Variants in GALNT10 observed in about 807,000 individuals in gnomAD.
GALNT10 encodes polypeptide N-acetylgalactosaminyltransferase 10.
GALNT10 carries 41 observed loss-of-function variants against 75.0 expected under a neutral mutation model. The observed-to-expected ratio is 0.55, with a 90% CI of 0.43 to 0.71. The LOEUF (loss-of-function observed/expected upper bound fraction) is 0.71. GALNT10 is among the 30% of genes least tolerant of loss of function. The pLI is 0.00. For synonymous variants in GALNT10, 302 were observed against 313.0 expected (o/e 0.96, Z 0.37); for missense variants, 727 against 818.5 (o/e 0.89, Z 1.36).
At chr5:154,303,806 CCAAT>C (rs1442782644) in intron 3 of GALNT10, among the ~76,000 whole-genome samples, 1 of 152,096 alleles carries the variant, frequency 6.6e-6, no homozygotes, top group African/African-American at 2.4e-5. Flanking sequence ...AATGTGAAAC[CCAAT>C]CAAAGATTAT....
chr5:154,208,609 T>G (rs1459383694), intron 1 of GALNT10, among the ~76,000 whole-genome samples: 3 of 152,180 alleles, frequency 2.0e-5, no homozygotes, highest in Admixed American at 2.0e-4. Context: ...TAAAAAGTGG[T>G]ACATAGATAC....
intron 1 of GALNT10, among the ~76,000 whole-genome samples, chr5:154,256,261 G>C (rs959437398): frequency 5.3e-5 from 8 of 152,038 alleles, no homozygotes; most frequent in Non-Finnish European, 1.2e-4. Flanking sequence ...ACAGGGCTTG[G>C]CTTGCCAGGG....
intron 1 of GALNT10, among the ~76,000 whole-genome samples, chr5:154,293,594 G>GATATATATATATATATAT (rs754824803): frequency 7.1e-6 from 1 of 140,726 alleles, no homozygotes; most frequent in African/African-American, 2.9e-5. Flanking sequence ...TCTTGGGGCT[G>GATATATATATATATATAT]ATATATATAT....
At chr5:154,292,884 T>C (rs1754215589) in intron 1 of GALNT10, among the ~76,000 whole-genome samples, 1 of 152,102 alleles carries the variant, frequency 6.6e-6, no homozygotes, top group Admixed American at 6.5e-5. Flanking sequence ...CCTGAACTGA[T>C]TAGATGGTTC....
At chr5:154,340,198 T>C (rs1755011983) in intron 4 of GALNT10, among the ~76,000 whole-genome samples, 1 of 152,078 alleles carries the variant, frequency 6.6e-6, no homozygotes, top group Non-Finnish European at 1.5e-5. Context: ...GCTCAGTAAA[T>C]GGGGAGCTGA....
At chr5:154,392,615 A>G (rs11750554) in intron 7 of GALNT10, 9,604 of 152,320 alleles carry the variant, frequency 0.063, 367 homozygotes, top group African/African-American at 0.11. Context: ...CCTCTGACAT[A>G]CACAGATATG....
intron 1 of GALNT10, among the ~76,000 whole-genome samples, chr5:154,229,572 C>CAA (rs371367712): frequency 6.9e-6 from 1 of 144,078 alleles, no homozygotes; most frequent in African/African-American, 2.5e-5. Flanking sequence ...ACTAAAAATA[C>CAA]AAAAAAAAAA....
rs1415763952 is a variant in GALNT10 at position 154,203,261 on chromosome 5, C to T, written c.159+12236C>T. On this transcript the variant is annotated intron_variant, in intron 1 of 11. Transcript: ENST00000297107. ...CTCTGTCTCTCCTTCCACCTCCCCC[C>T]GCAACCCCCATAGTCTCCGTGATGT... Among the ~76,000 whole-genome samples, 5 of 152,124 alleles carry T rather than the reference C, an allele frequency of 3.3e-5. No homozygotes were observed. The East Asian group carries it at 5.8e-4, about 18-fold the overall frequency.
At chr5:154,368,129 G>T (rs138734962) in intron 4 of GALNT10, among the ~76,000 whole-genome samples, 28 of 152,294 alleles carry the variant, frequency 1.8e-4, no homozygotes, top group African/African-American at 6.5e-4. Flanking sequence ...GCTTCAGTAG[G>T]TTTAAGGTGA....
intron 1 of GALNT10, among the ~76,000 whole-genome samples, chr5:154,249,638 G>A (rs1753484392): frequency 6.6e-6 from 1 of 152,030 alleles, no homozygotes; most frequent in Non-Finnish European, 1.5e-5. Flanking sequence ...TACCAACTGT[G>A]GTCAGGGCCA....
intron 6 of GALNT10, among the ~76,000 whole-genome samples, chr5:154,384,150 G>C (rs905106164): frequency 2.6e-5 from 4 of 152,088 alleles, no homozygotes; most frequent in African/African-American, 9.7e-5. Flanking sequence ...CCTCCCACCA[G>C]GTCTCTCCTA....
intron 4 of GALNT10, among the ~76,000 whole-genome samples, chr5:154,338,865 C>G (rs892240055): frequency 6.6e-6 from 1 of 152,178 alleles, no homozygotes; most frequent in East Asian, 1.9e-4. Flanking sequence ...TCTTTGTACC[C>G]CTTATCTTCT....
chr5:154,386,171 C>T (rs1285134119), intron 6 of GALNT10, 142 bp from the exon 7 acceptor site: 2 of 645,754 alleles, frequency 3.1e-6, no homozygotes, highest in Non-Finnish European at 5.4e-6. Flanking sequence ...CTGGAAGGGC[C>T]TTGGATTCCC....
In GALNT10 at chr5:154,416,876, G is replaced by T. The variant is rs1756522082; in HGVS notation, c.1716G>T (p.Arg572Ser). The T allele has an allele frequency of 1.9e-6, 3 of 1,613,070 alleles. No homozygotes were observed. Among genetic ancestry groups the T allele is most frequent in the African/African-American group, 1.3e-5 (1 of 75,028 alleles). ...TGGACTGCAGTGAAAGTGACCATAG[G>T]ATCTTCATGAACACCTGCAACCCAT... is the stretch of plus-strand genomic sequence containing the variant. Reference protein sequence around the residue: ...SCMDCSESDHRIFMNTCNPSS... With the variant: ...SCMDCSESDHSIFMNTCNPSS... Residue 572 changes from arginine (R) to serine (S), a missense_variant, in exon 12 of 12, where the codon AGG becomes AGT. By Grantham distance (110) the Arg-to-Ser change is moderately radical. Coordinates refer to ENST00000297107, the MANE Select transcript of GALNT10 (RefSeq NM_198321.4). The surrounding 1 kb of genome is among the most constrained non-coding windows in gnomAD (Gnocchi z 4.5).
chr5:154,310,748 A>G (rs1295266223), intron 3 of GALNT10, among the ~76,000 whole-genome samples: 1 of 152,212 alleles, frequency 6.6e-6, no homozygotes, highest in Non-Finnish European at 1.5e-5. Context: ...CTGGGATTAC[A>G]GGCGTGAGCC....
intron 3 of GALNT10, among the ~76,000 whole-genome samples, chr5:154,323,011 A>G (rs1005403316): frequency 6.6e-6 from 1 of 152,222 alleles, no homozygotes; most frequent in Non-Finnish European, 1.5e-5. Context: ...CTTACATTCT[A>G]GGGAAGAAGA....
intron 1 of GALNT10, among the ~76,000 whole-genome samples, chr5:154,215,985 T>C (rs1752867105): frequency 6.6e-6 from 1 of 152,202 alleles, no homozygotes; most frequent in South Asian, 2.1e-4. Context: ...TGGCAGTAAT[T>C]GTTACCTTCT....
chr5:154,294,903 G>A lies in GALNT10; in HGVS notation c.247G>A (p.Asp83Asn). The change falls in exon 2 of 12, where the codon GAC (aspartate) becomes AAC (asparagine). Residue 83 changes from aspartate to asparagine, a missense_variant. Physicochemically the swap from Asp to Asn is conservative, Grantham distance 23. Transcript: ENST00000297107. ...GCATGACAAGGAGGCCATCCGGAGG[G>A]ACGCTCAGCGCGTAGGTACGGAGGG... ...DWHDKEAIRR[D>N]AQRVGNGEQG... The A allele has an allele frequency of 6.4e-7, 1 of 1,561,452 alleles. No homozygotes were observed. Among genetic ancestry groups the A allele is most frequent in the Non-Finnish European group, 8.8e-7 (1 of 1,131,926 alleles).
At chr5:154,289,034 G>T (rs1305554643) in intron 1 of GALNT10, among the ~76,000 whole-genome samples, 1 of 152,230 alleles carries the variant, frequency 6.6e-6, no homozygotes, top group Non-Finnish European at 1.5e-5. Flanking sequence ...TCAGGTGGTA[G>T]ATAGGTTGCC....
Sources: gnomAD v4.1 joint callset for allele counts (sites outside exome capture counted in the v4.1 genomes callset) on GRCh38, gnomAD v4.1.1 for gene constraint, Gnocchi (gnomAD v3.1) non-coding constraint, MANE v1.5 for transcripts, NCBI Gene and HGNC (gene_info 2026-07-23, HGNC 2026-07-21) for gene names.